ABCC6: variants seen among roughly 807,000 people sequenced by gnomAD.
ABCC6 encodes ATP binding cassette subfamily C member 6.
ABCC6 carries 126 observed loss-of-function variants against 169.5 expected under a neutral mutation model. The ratio of observed to expected loss-of-function variants is 0.74; its 90% CI spans 0.64 to 0.86. ABCC6 has a LOEUF of 0.86. Among genes scored for constraint, ABCC6 ranks in the 40% least tolerant of loss-of-function variants. The pLI, the probability that ABCC6 is intolerant of heterozygous loss-of-function variation, is 0.00. For synonymous variants in ABCC6, 752 were observed against 814.7 expected (o/e 0.92, Z 1.31); for missense variants, 1,733 against 1,927.2 (o/e 0.90, Z 1.89).
At chr16:16,185,186 G>A (rs2047612022) in intron 14 of ABCC6, 152 bp from the exon 15 acceptor site, 1 of 750,058 alleles carries the variant, frequency 1.3e-6, no homozygotes, top group Non-Finnish European at 2.3e-6. Flanking sequence ...GCTACTCACT[G>A]GCTTGTGGGT....
chr16:16,208,288 G>A (rs981569693), intron 7 of ABCC6, among the ~76,000 whole-genome samples: 9 of 152,266 alleles, frequency 5.9e-5, no homozygotes, highest in South Asian at 2.1e-4. Context: ...GTGGGGAGGC[G>A]GCAGTGCCGC....
rs181794120 is a variant in ABCC6 at position 16,177,560 on chromosome 16, T to C, written c.2482A>G (p.Asn828Asp). 16 of 1,614,198 alleles carry C rather than the reference T, an allele frequency of 9.9e-6. No homozygotes were observed. The South Asian group carries it at 1.6e-4, about 17-fold the overall frequency. The change falls in exon 19 of 31, where the codon AAT becomes GAT. Residue 828 changes from asparagine (N) to aspartate (D), a missense_variant. Asn to Asp is a conservative substitution (Grantham distance 23, BLOSUM62 1). Coordinates refer to ENST00000205557, the MANE Select transcript of ABCC6 (RefSeq NM_001171.6). Reference protein sequence around the residue: ...PQADWIIVLANGAIAEMGSYQ... With the variant: ...PQADWIIVLADGAIAEMGSYQ... ...GAACCCATCTCTGCGATGGCCCCAT[T>C]TGCCAGCACTATGATCCAATCAGCC... is the stretch of plus-strand genomic sequence containing the variant.
Position 16,169,636 on chromosome 16 carries a change from T to G in ABCC6, c.2995+10A>C. The G allele has an allele frequency of 6.2e-7, 1 of 1,609,776 alleles. No homozygotes were observed. The highest frequency in any genetic ancestry group is 8.5e-7 in the Non-Finnish European group (1 of 1,179,402). ...GGAGGAGAGGGATGAGGAGGGCAGG[T>G]GAGGCGTACCTTGGAGACAGCCGAG... On this transcript the variant is annotated intron_variant, in intron 22 of 30. Transcript: ENST00000205557.
At position 16,221,678 on chromosome 16, in the gene ABCC6, G is replaced by A. The variant is rs557180313; in HGVS notation, c.190C>T (p.Arg64Trp). 2.9e-5 allele frequency: 47 copies of A among 1,613,822 alleles called. No homozygotes were observed. The highest frequency in any genetic ancestry group is 7.7e-5 in the South Asian group (7 of 91,064). ...TTGGCTTTGAAGAGTGGGGACATCC[G>A]GAGGTAGCCCCGGCCATGGTGGTGG... ...FIHHHGRGYL[R>W]MSPLFKAKMV... Residue 64 changes from arginine to tryptophan, a missense_variant, in exon 2 of 31, where the codon CGG (arginine) becomes TGG (tryptophan). Physicochemically the swap from Arg to Trp is moderately radical, Grantham distance 101. Coordinates refer to ENST00000205557, the MANE Select transcript of ABCC6 (RefSeq NM_001171.6).
intron 14 of ABCC6, 85 bp from the exon 15 acceptor site, chr16:16,185,119 C>A (rs1294238268): frequency 6.0e-5 from 17 of 282,422 alleles, no homozygotes; most frequent in East Asian, 1.5e-4. Context: ...CCATCCCCCG[C>A]CCCCCCCAGG....
chr16:16,150,395 G>T (rs543953316), intron 30 of ABCC6, among the ~76,000 whole-genome samples, 154 bp from the exon 31 acceptor site: 1 of 152,348 alleles, frequency 6.6e-6, no homozygotes, highest in East Asian at 1.9e-4. Flanking sequence ...GGAAGCGTGT[G>T]CTGGGCGCAT....
chr16:16,192,079 G>A (rs765604880), intron 11 of ABCC6, among the ~76,000 whole-genome samples: 1 of 152,186 alleles, frequency 6.6e-6, no homozygotes, highest in Non-Finnish European at 1.5e-5. Flanking sequence ...AGGGATGGAC[G>A]TGCCATTTCC....
chr16:16,180,165 A>G (rs2047421631), intron 17 of ABCC6, among the ~76,000 whole-genome samples: 1 of 152,196 alleles, frequency 6.6e-6, no homozygotes, highest in Non-Finnish European at 1.5e-5. Flanking sequence ...GTAAATACAG[A>G]TGAAACCTCA....
Position 16,188,926 on chromosome 16 carries a change from T to A in ABCC6, c.1684A>T (p.Met562Leu), listed in dbSNP as rs575023438. The A allele has an allele frequency of 6.2e-7, 1 of 1,614,080 alleles. No homozygotes were observed. The highest frequency in any genetic ancestry group is 2.2e-5 in the East Asian group (1 of 44,882). Residue 562 changes from methionine (M) to leucine (L), a missense_variant, in exon 13 of 31, where the codon ATG becomes TTG. Transcript: ENST00000205557. Reference protein sequence around the residue: ...AVHTLVAENAMNAEKAFVTLT... With the variant: ...AVHTLVAENALNAEKAFVTLT... ...GTCACAAAGGCTTTCTCTGCATTCATAGCATTCTCGGCCACCAGAGTGTGG... is the reference window on the plus strand; with the variant it reads ...GTCACAAAGGCTTTCTCTGCATTCAAAGCATTCTCGGCCACCAGAGTGTGG...
rs2049014493 is a variant in ABCC6, at chr16:16,219,816, CATTACCATCG to C, written c.341_345+5del. ...AAGCCGGGCTCCAGACTGAAGGCATCATTACCATCGTGGTGAGCCACACAGTAGGATGAAT... is the reference window on the plus strand; with the variant it reads ...AAGCCGGGCTCCAGACTGAAGGCATCTGGTGAGCCACACAGTAGGATGAAT... On this transcript the variant is annotated splice_donor_variant and splice_donor_5th_base_variant and coding_sequence_variant and intron_variant, in exon 3 of 31. Transcript: ENST00000205557. LOFTEE classifies it high-confidence loss of function. 7 of 1,493,452 alleles carry C rather than the reference CATTACCATCG, an allele frequency of 4.7e-6. No homozygotes were observed. The African/African-American group carries it at 9.9e-5, about 21-fold the overall frequency. 92.5% of individuals were successfully genotyped at this position (1,493,452 alleles called of 1,614,324 possible).
At chr16:16,217,454 A>G (rs1341956289) in intron 4 of ABCC6, among the ~76,000 whole-genome samples, 1 of 152,252 alleles carries the variant, frequency 6.6e-6, no homozygotes. Context: ...TCAAGCCTGT[A>G]ATCCCAGCAC....
At chr16:16,165,996 C>G (rs1486252526) in intron 22 of ABCC6, 63 bp from the exon 23 acceptor site, 3 of 1,537,426 alleles carry the variant, frequency 2.0e-6, no homozygotes, top group Non-Finnish European at 2.7e-6. Flanking sequence ...CCCACGGGGC[C>G]CTGCGCAGGT....
intron 14 of ABCC6, 141 bp from the exon 15 acceptor site, chr16:16,185,175 T>C: frequency 1.3e-6 from 1 of 785,152 alleles, no homozygotes; most frequent in Non-Finnish European, 2.2e-6. Flanking sequence ...CAAATTGCCC[T>C]GCTACTCACT....
chr16:16,185,695 G>T (rs969852879), intron 14 of ABCC6, among the ~76,000 whole-genome samples: 1 of 152,176 alleles, frequency 6.6e-6, no homozygotes, highest in African/African-American at 2.4e-5. Context: ...TAAGGCAGGA[G>T]AATTGCTTGA....
chr16:16,184,826 C>T, intron 15 of ABCC6, 133 bp downstream of exon 15: 2 of 975,168 alleles, frequency 2.1e-6, no homozygotes, highest in Non-Finnish European at 3.3e-6. Flanking sequence ...CCGGCAGAGC[C>T]CCAGCCCAGC....
At chr16:16,173,038 T>C (rs2047164127) in intron 21 of ABCC6, 1 of 576,864 alleles carries the variant, frequency 1.7e-6, no homozygotes, top group African/African-American at 1.9e-5. Flanking sequence ...CGAGCCACTT[T>C]CTCAAAATCA....
Position 16,187,125 on chromosome 16 carries a change from G to T in ABCC6, c.1866C>A (p.Ser622Arg). The T allele has an allele frequency of 6.3e-7, 1 of 1,583,718 alleles. No homozygotes were observed. Among genetic ancestry groups the T allele is most frequent in the Non-Finnish European group, 8.6e-7 (1 of 1,162,436 alleles). ...CCTCCTGCCAGACTCAGCACTCACC[G>T]CTTCCAGAGGAACTTGAGTCTACGA... ...PGVVDSSSSG[S>R]AAGKDCITIH... Residue 622 changes from serine to arginine, a missense_variant and splice_region_variant, in exon 14 of 31, where the codon AGC becomes AGA. Coordinates refer to ENST00000205557, the MANE Select transcript of ABCC6 (RefSeq NM_001171.6).
At chr16:16,178,061 C>T (rs1436704544) in intron 18 of ABCC6, among the ~76,000 whole-genome samples, 1 of 152,046 alleles carries the variant, frequency 6.6e-6, no homozygotes, top group Non-Finnish European at 1.5e-5. Flanking sequence ...CGCAGTGGCT[C>T]ATGCCTGTAA....
chr16:16,167,661 G>A (rs2046921025), intron 22 of ABCC6, among the ~76,000 whole-genome samples: 1 of 152,120 alleles, frequency 6.6e-6, no homozygotes, highest in African/African-American at 2.4e-5. Context: ...TAGAGACGGG[G>A]TTTCACCATG....
Sources: gnomAD v4.1 joint callset for allele counts (sites outside exome capture counted in the v4.1 genomes callset) on GRCh38, gnomAD v4.1.1 for gene constraint, MANE v1.5 for transcripts, NCBI Gene and HGNC (gene_info 2026-07-23, HGNC 2026-07-21) for gene names.